Variants in RBM5 observed in about 807,000 individuals in gnomAD.
RBM5 encodes the protein RNA-binding protein 5.
RBM5 carries 15 observed loss-of-function variants against 124.6 expected under a neutral mutation model. That is an observed-to-expected ratio of 0.12 (90% CI 0.08 to 0.19). RBM5 has a LOEUF of 0.19. Among genes scored for constraint, RBM5 ranks in the 10% least tolerant of loss-of-function variants. RBM5 has a pLI of 1.00. For missense variants in RBM5, 580 were observed against 1,026.5 expected, an observed-to-expected ratio of 0.57 and a Z score of 5.94; for synonymous variants, 337 against 361.2, an observed-to-expected ratio of 0.93 and a Z score of 0.76.
rs1244371903 is a variant in RBM5 at position 50,108,245 on chromosome 3, A to G, written c.1133A>G (p.Tyr378Cys). 6.2e-7 allele frequency: 1 copy of G among 1,613,332 alleles called. No homozygotes were observed. The highest frequency in any genetic ancestry group is 8.5e-7 in the Non-Finnish European group (1 of 1,179,208). ...YAQYAQYSQD[Y>C]QQFYQQQAGG... is the part of the protein sequence containing the mutation. ...ACTTTTCTTCAGTATTCACAGGATT[A>G]TCAGCAGTTTTATCAACAACAAGCT... The change falls in exon 14 of 25, where the codon TAT (tyrosine) becomes TGT (cysteine). Residue 378 changes from tyrosine (Y) to cysteine (C), a missense_variant. Around this residue, in one of 6 missense-constraint regions of RBM5, gnomAD observed 104 missense variants for 128.7 expected, o/e 0.81. Transcript: ENST00000347869.
chr3:50,099,084 G>T (rs1415544974), intron 4 of RBM5, among the ~76,000 whole-genome samples: 2 of 152,134 alleles, frequency 1.3e-5, no homozygotes, highest in South Asian at 2.1e-4. Context: ...GCAAAACTCT[G>T]TCTCTACAAA....
At chr3:50,093,696 G>A in intron 3 of RBM5, 24 bp from the exon 4 acceptor site, 1 of 1,606,726 alleles carries the variant, frequency 6.2e-7, no homozygotes, top group Non-Finnish European at 8.5e-7. Context: ...GATGTTAATT[G>A]TGATTTTGTT....
chr3:50,112,254 A>T (rs1372402291), intron 17 of RBM5: 1 of 150,428 alleles, frequency 6.6e-6, no homozygotes, highest in Non-Finnish European at 1.5e-5. Context: ...AAAAAAAAAA[A>T]AATACAAAAA....
In RBM5 at chr3:50,100,701, G is replaced by A; in HGVS notation, c.483+96G>A. On this transcript the variant is annotated intron_variant, in intron 6 of 24. Coordinates refer to ENST00000347869, the MANE Select transcript of RBM5 (RefSeq NM_005778.4). This position sits in a 1 kb window ranked among gnomAD's most constrained non-coding sequence, Gnocchi z 5.1. Reference sequence around the variant, plus strand: ...AAGGAGTGGTTTGTTCCAAAGGAGTGACTTTTTTTTAAAAAAAAAGCTTTG... The same window carrying A: ...AAGGAGTGGTTTGTTCCAAAGGAGTAACTTTTTTTTAAAAAAAAAGCTTTG... 1 of 966,820 alleles carries A rather than the reference G, an allele frequency of 1.0e-6. No individual in the cohort carries two copies. 59.9% of individuals were successfully genotyped at this position (966,820 alleles called of 1,614,324 possible). A position where few individuals can be genotyped will look rare whatever the true frequency, so the allele number is the denominator to read the frequency against.
At chr3:50,091,171 G>C (rs1006791689) in intron 2 of RBM5, among the ~76,000 whole-genome samples, 4 of 152,228 alleles carry the variant, frequency 2.6e-5, no homozygotes, top group Non-Finnish European at 5.9e-5. Flanking sequence ...CATGTCACAT[G>C]GTATTTTAAT....
intron 7 of RBM5, 29 bp downstream of exon 7, chr3:50,103,195 A>G: frequency 6.5e-7 from 1 of 1,526,826 alleles, no homozygotes; most frequent in Non-Finnish European, 9.1e-7. Flanking sequence ...CAAATAGACA[A>G]AACTCCTTTA....
chr3:50,110,867 T>C, intron 17 of RBM5, 97 bp downstream of exon 17: 1 of 1,004,686 alleles, frequency 1.0e-6, no homozygotes, highest in Non-Finnish European at 1.4e-6. Context: ...AAAGAATATA[T>C]GACTCAGATT....
At chr3:50,098,996 T>A (rs2090883116) in intron 4 of RBM5, among the ~76,000 whole-genome samples, 1 of 152,210 alleles carries the variant, frequency 6.6e-6, no homozygotes, top group African/African-American at 2.4e-5. Flanking sequence ...GGCTCACTCC[T>A]GTAATCCTAG....
At position 50,104,172 on chromosome 3, in the gene RBM5, G is replaced by A. The variant is rs1028434142; in HGVS notation, c.568-76G>A. ...TTCTGTTAGTTACTGGGACCTACCC[G>A]TGGCCCCACTGTTATTGTTACTAGA... On this transcript the variant is annotated intron_variant, in intron 7 of 24. Coordinates refer to ENST00000347869, the MANE Select transcript of RBM5 (RefSeq NM_005778.4). 1.6e-4 allele frequency: 192 copies of A among 1,228,520 alleles called. 1 individual carries two copies. The highest frequency in any genetic ancestry group is 1.9e-4 in the Middle Eastern group (1 of 5,340). The allele number at this position is 1,228,520 out of a possible 1,614,324, so 76.1% of individuals were successfully genotyped here. A position where few individuals can be genotyped will look rare whatever the true frequency, so the allele number is the denominator to read the frequency against.
intron 4 of RBM5, among the ~76,000 whole-genome samples, chr3:50,095,608 C>A (rs556770720): frequency 1.3e-5 from 2 of 151,876 alleles, no homozygotes; most frequent in East Asian, 2.0e-4. Context: ...ACTGTTGTGC[C>A]TTTTTCTGCT....
In RBM5 at chr3:50,088,964, G is replaced by A. The variant is rs2090649767; in HGVS notation, c.-119G>A. 1 of 152,300 alleles carries A rather than the reference G, an allele frequency of 6.6e-6. No homozygotes were observed. Among genetic ancestry groups the A allele is most frequent in the African/African-American group, 2.4e-5 (1 of 41,454 alleles). 9.4% of individuals were successfully genotyped at this position (152,300 alleles called of 1,614,324 possible). A position where few individuals can be genotyped will look rare whatever the true frequency, so the allele number is the denominator to read the frequency against. On this transcript the variant is annotated 5_prime_UTR_variant, in exon 1 of 25. Transcript: ENST00000347869. ...GTCGGCGGAGGCGCCATTTTGTGTA[G>A]CCGCCGAACCTTGTTGGAGGTTCTG...
In RBM5 at chr3:50,100,384, A is replaced by G. The variant is rs1018108723; in HGVS notation, c.410-148A>G. On this transcript the variant is annotated intron_variant, in intron 5 of 24. Coordinates refer to ENST00000347869, the MANE Select transcript of RBM5 (RefSeq NM_005778.4). The surrounding 1 kb of genome is among the most constrained non-coding windows in gnomAD (Gnocchi z 5.1). ...TTGTTCCTTGCCATGGCAAAGTATC[A>G]AGAAGATCCCCAAGTCAAGTCACAT... 2 of 676,088 alleles carry G rather than the reference A, an allele frequency of 3.0e-6. No individual in the cohort carries two copies. The highest frequency in any genetic ancestry group is 5.0e-6 in the Non-Finnish European group (2 of 399,466). 41.9% of individuals were successfully genotyped at this position (676,088 alleles called of 1,614,324 possible).
intron 21 of RBM5, 72 bp from the exon 22 acceptor site, chr3:50,115,834 G>A (rs1259311076): frequency 4.4e-6 from 6 of 1,376,412 alleles, no homozygotes; most frequent in Non-Finnish European, 6.2e-6. Context: ...TACAGTAGAT[G>A]TTACTAATGT....
intron 10 of RBM5, among the ~76,000 whole-genome samples, chr3:50,106,397 C>T (rs2091032334): frequency 1.3e-5 from 2 of 151,952 alleles, no homozygotes; most frequent in South Asian, 2.1e-4. Flanking sequence ...GCTGGGATTA[C>T]AGGCGTGAGC....
In RBM5 at chr3:50,114,233, T is replaced by A; in HGVS notation, c.1821T>A (p.Asp607Glu). The A allele has an allele frequency of 6.2e-7, 1 of 1,610,292 alleles. No homozygotes were observed. Among genetic ancestry groups the A allele is most frequent in the South Asian group, 1.1e-5 (1 of 90,238 alleles). ...QLIPELVRNGDEENPLKRGLV... is the reference protein window; with the variant it reads ...QLIPELVRNGEEENPLKRGLV... Reference sequence around the variant, plus strand: ...TCCCAGAATTGGTGCGAAATGGAGATGAGGAGAATCCCCTCAAAGTAAGGG... The same window carrying A: ...TCCCAGAATTGGTGCGAAATGGAGAAGAGGAGAATCCCCTCAAAGTAAGGG... The change falls in exon 20 of 25, where the codon GAT becomes GAA. Residue 607 changes from aspartate (D) to glutamate (E), a missense_variant. Transcript: ENST00000347869.
chr3:50,100,739 T>C lies in RBM5; in HGVS notation c.483+134T>C. The C allele has an allele frequency of 1.6e-6, 1 of 632,636 alleles. No individual in the cohort carries two copies. The highest frequency in any genetic ancestry group is 2.7e-5 in the East Asian group (1 of 36,472). The allele number at this position is 632,636 out of a possible 1,614,324, so 39.2% of individuals were successfully genotyped here. On this transcript the variant is annotated intron_variant, in intron 6 of 24. Transcript: ENST00000347869. The surrounding 1 kb of genome is among the most constrained non-coding windows in gnomAD (Gnocchi z 5.1). Reference sequence around the variant, plus strand: ...AAAAAAAGCTTTGTATATATTAAAATTGATGTTACTAGAATAAGTACAGTA... The same window carrying C: ...AAAAAAAGCTTTGTATATATTAAAACTGATGTTACTAGAATAAGTACAGTA...
chr3:50,105,016 G>A, intron 8 of RBM5, 61 bp from the exon 9 acceptor site: 2 of 1,240,956 alleles, frequency 1.6e-6, no homozygotes, highest in Non-Finnish European at 2.3e-6. Context: ...GGATTTTAAT[G>A]TATTTCTTTG....
chr3:50,107,494 C>T lies in RBM5; in HGVS notation c.966C>T (p.Leu322=). The change falls in exon 12 of 25, where the codon CTC becomes CTT. Residue 322 remains leucine, a synonymous_variant. Transcript: ENST00000347869. Reference sequence around the variant, plus strand: ...TTTGTGGTTTCAGAGACTTGGTCCTCTCAGATGGTAACCGCGTCAGCGCTT... The same window carrying T: ...TTTGTGGTTTCAGAGACTTGGTCCTTTCAGATGGTAACCGCGTCAGCGCTT... ...FAKSARKDLV[L]SDGNRVSAFS... 2 of 1,603,108 alleles carry T rather than the reference C, an allele frequency of 1.2e-6. No homozygotes were observed. The highest frequency in any genetic ancestry group is 1.7e-6 in the Non-Finnish European group (2 of 1,170,222).
chr3:50,102,213 A>C (rs1433194098), intron 6 of RBM5: 2 of 152,100 alleles, frequency 1.3e-5, no homozygotes, highest in Non-Finnish European at 2.9e-5. Flanking sequence ...TGTTAAATGA[A>C]GGCTCTTTAG....
Sources: allele counts gnomAD v4.1 joint callset (sites outside exome capture counted in the v4.1 genomes callset), GRCh38; gene constraint gnomAD v4.1.1; regional missense constraint gnomAD v4.1.1; non-coding constraint Gnocchi (gnomAD v3.1); transcripts MANE v1.5; gene names NCBI Gene and HGNC (gene_info 2026-07-23, HGNC 2026-07-21).